RGS7: variants seen among roughly 807,000 people sequenced by gnomAD.
The protein encoded by RGS7 is regulator of G-protein signaling 7.
Under a neutral mutation model 81.1 loss-of-function variants are expected in RGS7, and 27 were observed. That is an observed-to-expected ratio of 0.33 (90% CI 0.25 to 0.46). The LOEUF (loss-of-function observed/expected upper bound fraction) is 0.46. RGS7 is among the 20% of genes least tolerant of loss of function. RGS7 has a pLI of 1.00. For synonymous variants in RGS7, 208 were observed against 207.7 expected, an observed-to-expected ratio of 1.00 and a Z score of -0.01; for missense variants, 396 against 607.4, an observed-to-expected ratio of 0.65 and a Z score of 3.66.
chr1:240,805,622 G>T (rs1358639833), intron 15 of RGS7, among the ~76,000 whole-genome samples: 1 of 151,934 alleles, frequency 6.6e-6, no homozygotes, highest in Non-Finnish European at 1.5e-5. Context: ...TTTAAGAAAT[G>T]TCAGAATCTA....
In RGS7 at chr1:241,277,022, GCA is replaced by G. The variant is rs575573839; in HGVS notation, c.78+78675_78+78676del. ...GCTTTTAAAATGCATCCTAAGATGT[GCA>G]TACAAAATAGCATCCTACTGTTTTT... On this transcript the variant is annotated intron_variant, in intron 2 of 18. Transcript: ENST00000440928. Among the ~76,000 whole-genome samples the G allele has an allele frequency of 4.5e-3, 678 of 152,294 alleles. 5 individuals carry two copies. Among genetic ancestry groups the G allele is most frequent in the Non-Finnish European group, 4.6e-3 (312 of 68,028 alleles).
intron 6 of RGS7, among the ~76,000 whole-genome samples, chr1:240,879,181 G>A (rs1329362416): frequency 6.6e-6 from 1 of 152,118 alleles, no homozygotes; most frequent in South Asian, 2.1e-4. Flanking sequence ...CTGTTTTCTT[G>A]TATCTCCAAC....
At chr1:241,008,893 C>CA (rs2058813423) in intron 3 of RGS7, among the ~76,000 whole-genome samples, 1 of 104,462 alleles carries the variant, frequency 9.6e-6, no homozygotes, top group Non-Finnish European at 1.7e-5. Flanking sequence ...GCCTGGGCAA[C>CA]AGAGCAAGAC....
chr1:241,169,087 T>C (rs572698712), intron 2 of RGS7, among the ~76,000 whole-genome samples: 1 of 152,224 alleles, frequency 6.6e-6, no homozygotes, highest in East Asian at 1.9e-4. Flanking sequence ...AAGTAATAAA[T>C]GGGTGTTTTT....
At position 241,019,818 on chromosome 1, in the gene RGS7, G is replaced by T. The variant is rs549450641; in HGVS notation, c.176-36689C>A. ...TTGTGAATAGTGCCACAATAAACAT[G>T]CATGTGCATGTGTCTATAGTGTTGC... On this transcript the variant is annotated intron_variant, in intron 3 of 18. Coordinates refer to ENST00000440928, the MANE Select transcript of RGS7 (RefSeq NM_001364886.1). Among the ~76,000 whole-genome samples, 3 of 152,348 alleles carry T rather than the reference G, an allele frequency of 2.0e-5. No individual in the cohort carries two copies. The South Asian group carries it at 6.2e-4, about 32-fold the overall frequency.
chr1:240,903,958 C>T (rs889193325), intron 6 of RGS7, among the ~76,000 whole-genome samples: 1 of 152,200 alleles, frequency 6.6e-6, no homozygotes, highest in Non-Finnish European at 1.5e-5. Context: ...CTTGTACAGT[C>T]TGCAGAACTG....
chr1:241,326,847 C>T (rs1180985701), intron 2 of RGS7, among the ~76,000 whole-genome samples: 1 of 149,468 alleles, frequency 6.7e-6, no homozygotes, highest in African/African-American at 2.5e-5. Context: ...GAGGTTGAGG[C>T]TGCGGTGAGC....
rs559123354 is a variant in RGS7 at position 241,350,812 on chromosome 1, G to A, written c.78+4887C>T. ...GACGGGGATTTCGGCGAGAAACATCGACACCCTCAGCGTTGACCAGATGGG... is the reference window on the plus strand; with the variant it reads ...GACGGGGATTTCGGCGAGAAACATCAACACCCTCAGCGTTGACCAGATGGG... On this transcript the variant is annotated intron_variant, in intron 2 of 18. Coordinates refer to ENST00000440928, the MANE Select transcript of RGS7 (RefSeq NM_001364886.1). Among the ~76,000 whole-genome samples, 83 of 148,996 alleles carry A rather than the reference G, an allele frequency of 5.6e-4. 1 individual carries two copies. Among genetic ancestry groups the A allele is most frequent in the African/African-American group, 1.8e-3 (72 of 40,296 alleles).
chr1:241,112,056 G>A (rs2065547541), intron 2 of RGS7, among the ~76,000 whole-genome samples: 1 of 151,974 alleles, frequency 6.6e-6, no homozygotes, highest in Non-Finnish European at 1.5e-5. Context: ...CAGGTCATTC[G>A]AGCTTAATAT....
intron 3 of RGS7, among the ~76,000 whole-genome samples, chr1:240,989,740 C>A (rs1305234705): frequency 6.6e-6 from 1 of 152,004 alleles, no homozygotes. Context: ...ATTAATATAA[C>A]AACAACAACA....
At chr1:241,298,511 C>T (rs769731933) in intron 2 of RGS7, among the ~76,000 whole-genome samples, 1 of 152,192 alleles carries the variant, frequency 6.6e-6, no homozygotes, top group African/African-American at 2.4e-5. Flanking sequence ...ATCTTTTCAA[C>T]TAAATCACGC....
At position 241,220,913 on chromosome 1, in the gene RGS7, GGAAAGGAAGAAAGGAA is replaced by G. The variant is rs150100442; in HGVS notation, c.79-122167_79-122152del. On this transcript the variant is annotated intron_variant, in intron 2 of 18. Transcript: ENST00000440928. ...GAGAGAGAGAGATGAAAGGAAGAAA[GGAAAGGAAGAAAGGAA>G]GAAAGGAAGGAAGGAAGAAGCAAGG... Among the ~76,000 whole-genome samples the G allele has an allele frequency of 3.9e-3, 576 of 146,300 alleles. 3 individuals carry two copies. Among genetic ancestry groups the G allele is most frequent in the Non-Finnish European group, 6.5e-3 (438 of 66,886 alleles).
intron 3 of RGS7, among the ~76,000 whole-genome samples, chr1:241,063,974 G>T (rs905001677): frequency 4.0e-5 from 6 of 150,390 alleles, no homozygotes; most frequent in Non-Finnish European, 7.4e-5. Context: ...ACCTGAGGCT[G>T]GGAGTTCGAG....
In RGS7 at chr1:240,802,884, A is replaced by G. The variant is rs776293299; in HGVS notation, c.1359+20T>C. ...ACTGAGAACTAGGCCAAGAAAAAAC[A>G]ACTCACAAAAAACCAGTACCTTTTT... On this transcript the variant is annotated intron_variant, in intron 16 of 18. Transcript: ENST00000440928. 2 of 1,518,206 alleles carry G rather than the reference A, an allele frequency of 1.3e-6. No homozygotes were observed. Among genetic ancestry groups the G allele is most frequent in the Non-Finnish European group, 1.8e-6 (2 of 1,092,942 alleles). 94.0% of individuals were successfully genotyped at this position (1,518,206 alleles called of 1,614,324 possible).
chr1:240,793,609 A>ATTTTTTTTTTTTTTTTTT (rs1254356744), intron 18 of RGS7, among the ~76,000 whole-genome samples: 1 of 87,068 alleles, frequency 1.1e-5, no homozygotes, highest in African/African-American at 7.5e-5. Context: ...ATATATATAT[A>ATTTTTTTTTTTTTTTTTT]TATTTTTTTT....
chr1:241,101,810 A>C (rs1254006406), intron 2 of RGS7, among the ~76,000 whole-genome samples: 1 of 152,154 alleles, frequency 6.6e-6, no homozygotes, highest in African/African-American at 2.4e-5. Flanking sequence ...GATTAGAGGG[A>C]CATGGAAACC....
chr1:240,966,758 T>C (rs1392958923), intron 4 of RGS7, among the ~76,000 whole-genome samples: 3 of 152,182 alleles, frequency 2.0e-5, no homozygotes, highest in Non-Finnish European at 4.4e-5. Context: ...ACATTTTCTA[T>C]GTCATGAAGG....
intron 14 of RGS7, among the ~76,000 whole-genome samples, chr1:240,811,210 A>G (rs1689791611): frequency 6.6e-6 from 1 of 152,268 alleles, no homozygotes; most frequent in African/African-American, 2.4e-5. Context: ...AACTCATGAA[A>G]CAACAGTCTT....
rs116919030 is a variant in RGS7, at chr1:241,029,564, C to G, written c.176-46435G>C. Among the ~76,000 whole-genome samples the G allele has an allele frequency of 1.8e-4, 28 of 152,292 alleles. No homozygotes were observed. In the East Asian group the frequency reaches 5.2e-3, roughly 28 times the overall value. On this transcript the variant is annotated intron_variant, in intron 3 of 18. Coordinates refer to ENST00000440928, the MANE Select transcript of RGS7 (RefSeq NM_001364886.1). Reference sequence around the variant, plus strand: ...AAATAAGAAATTTAATATTTTTAAGCCTTCAAGATGAATGTTACAACATCT... The same window carrying G: ...AAATAAGAAATTTAATATTTTTAAGGCTTCAAGATGAATGTTACAACATCT...
Sources: allele counts gnomAD v4.1 joint callset (sites outside exome capture counted in the v4.1 genomes callset), GRCh38; gene constraint gnomAD v4.1.1; transcripts MANE v1.5; gene names NCBI Gene and HGNC (gene_info 2026-07-23, HGNC 2026-07-21).